ROBO1: variants seen among roughly 807,000 people sequenced by gnomAD.
ROBO1 encodes the protein roundabout guidance receptor 1.
A neutral mutation model predicts 195.9 loss-of-function variants in ROBO1; 149 were observed. That is an observed-to-expected ratio of 0.76 (90% CI 0.67 to 0.87). The LOEUF is 0.87. Among genes scored for constraint, ROBO1 ranks in the 40% least tolerant of loss-of-function variants. ROBO1 has a pLI of 0.00. For synonymous variants in ROBO1, 816 were observed against 733.2 expected (o/e 1.11, Z -1.82); for missense variants, 1,933 against 2,068.3 (o/e 0.93, Z 1.27).
intron 2 of ROBO1, among the ~76,000 whole-genome samples, chr3:79,182,857 A>C (rs1559718607): frequency 6.6e-6 from 1 of 152,054 alleles, no homozygotes; most frequent in Admixed American, 6.5e-5. Context: ...AGGCAGGCGG[A>C]TCACGAGGTC....
At chr3:79,296,893 C>G (rs1167210023) in intron 2 of ROBO1, among the ~76,000 whole-genome samples, 1 of 152,080 alleles carries the variant, frequency 6.6e-6, no homozygotes, top group Non-Finnish European at 1.5e-5. Flanking sequence ...ATGTAAAACA[C>G]AACACACTCT....
At chr3:78,831,410 T>C (rs780329012) in intron 4 of ROBO1, among the ~76,000 whole-genome samples, 43 of 152,308 alleles carry the variant, frequency 2.8e-4, no homozygotes, top group Non-Finnish European at 5.6e-4. Flanking sequence ...GTTTATGTTT[T>C]TATTTGGTAC....
At chr3:79,597,862 A>C (rs1287290664) in intron 1 of ROBO1, among the ~76,000 whole-genome samples, 1 of 152,100 alleles carries the variant, frequency 6.6e-6, no homozygotes, top group African/African-American at 2.4e-5. Flanking sequence ...GTTTAGCAGG[A>C]GTTGCAGAAG....
At chr3:79,543,709 T>C (rs1217767864) in intron 2 of ROBO1, among the ~76,000 whole-genome samples, 1 of 152,112 alleles carries the variant, frequency 6.6e-6, no homozygotes, top group East Asian at 1.9e-4. Context: ...TGTATTCAGA[T>C]CTCACTTGTG....
intron 1 of ROBO1, among the ~76,000 whole-genome samples, chr3:79,729,920 T>C (rs1703075728): frequency 6.6e-6 from 1 of 152,186 alleles, no homozygotes; most frequent in Admixed American, 6.5e-5. Flanking sequence ...CAGAAACATA[T>C]TTTATGGCCC....
chr3:79,547,364 A>G (rs1942309788), intron 2 of ROBO1, among the ~76,000 whole-genome samples: 1 of 152,072 alleles, frequency 6.6e-6, no homozygotes, highest in Non-Finnish European at 1.5e-5. Flanking sequence ...TGCAGATTTT[A>G]TATGAACGTG....
chr3:78,926,701 T>C (rs890948223), intron 4 of ROBO1, among the ~76,000 whole-genome samples: 6 of 152,136 alleles, frequency 3.9e-5, no homozygotes, highest in Non-Finnish European at 7.3e-5. Context: ...AAAATTGGTA[T>C]GTGAATGCAA....
intron 2 of ROBO1, among the ~76,000 whole-genome samples, chr3:79,377,614 C>G (rs2036429506): frequency 6.6e-6 from 1 of 152,092 alleles, no homozygotes; most frequent in South Asian, 2.1e-4. Context: ...TTATGTTTAT[C>G]CTCTTCATTA....
intron 1 of ROBO1, among the ~76,000 whole-genome samples, chr3:79,628,354 G>C (rs1945241311): frequency 6.6e-6 from 1 of 152,130 alleles, no homozygotes; most frequent in East Asian, 1.9e-4. Context: ...GAAGCTGGAA[G>C]CCATAATCCT....
intron 2 of ROBO1, among the ~76,000 whole-genome samples, chr3:79,415,084 C>T (rs979758959): frequency 2.6e-5 from 4 of 152,148 alleles, no homozygotes; most frequent in African/African-American, 7.2e-5. Context: ...CATCATGTCA[C>T]TAACCATATA....
chr3:79,090,328 A>G (rs1009053610), intron 3 of ROBO1, among the ~76,000 whole-genome samples: 1 of 152,108 alleles, frequency 6.6e-6, no homozygotes, highest in East Asian at 1.9e-4. Context: ...TATAAATCAT[A>G]ATTAGAAAGA....
chr3:78,956,310 C>T (rs2041045415), intron 3 of ROBO1, among the ~76,000 whole-genome samples: 1 of 151,890 alleles, frequency 6.6e-6, no homozygotes, highest in Admixed American at 6.6e-5. Flanking sequence ...GATTAGAATA[C>T]CCCAAATTTT....
chr3:79,544,179 T>C (rs910874105), intron 2 of ROBO1, among the ~76,000 whole-genome samples: 2 of 152,036 alleles, frequency 1.3e-5, no homozygotes, highest in Non-Finnish European at 2.9e-5. Context: ...TTAAAGGCTA[T>C]TTTTAAGTCA....
At chr3:79,199,439 C>T (rs1008260442) in intron 2 of ROBO1, among the ~76,000 whole-genome samples, 1 of 151,744 alleles carries the variant, frequency 6.6e-6, no homozygotes, top group Middle Eastern at 3.2e-3. Flanking sequence ...CTCCTTAATA[C>T]TGCTAAAATG....
chr3:79,217,361 T>A (rs1244723605), intron 2 of ROBO1, among the ~76,000 whole-genome samples: 6 of 152,020 alleles, frequency 3.9e-5, no homozygotes, highest in African/African-American at 1.4e-4. Context: ...GTAAGACAGA[T>A]ACAATTTCAG....
intron 2 of ROBO1, among the ~76,000 whole-genome samples, chr3:79,459,922 A>G (rs1386135437): frequency 3.9e-5 from 6 of 152,148 alleles, no homozygotes; most frequent in African/African-American, 1.4e-4. Context: ...AACAAATATA[A>G]ATACCTGAAG....
intron 3 of ROBO1, among the ~76,000 whole-genome samples, chr3:78,940,636 T>C (rs1311083220): frequency 6.6e-6 from 1 of 152,238 alleles, no homozygotes; most frequent in Admixed American, 6.5e-5. Flanking sequence ...ATTTCAAATC[T>C]CTGCTCTCTC....
intron 2 of ROBO1, among the ~76,000 whole-genome samples, chr3:79,476,766 G>C (rs1240321423): frequency 6.6e-6 from 1 of 152,034 alleles, no homozygotes; most frequent in African/African-American, 2.4e-5. Flanking sequence ...TCAGGGGAAA[G>C]GGTGGGAGGG....
At chr3:79,707,216 G>C (rs564628636) in intron 1 of ROBO1, among the ~76,000 whole-genome samples, 58 of 152,212 alleles carry the variant, frequency 3.8e-4, no homozygotes, top group Non-Finnish European at 4.0e-4. Context: ...CTTCTTGTGA[G>C]AGTACTGACA....
Sources: allele counts gnomAD v4.1 joint callset (sites outside exome capture counted in the v4.1 genomes callset), GRCh38; gene constraint gnomAD v4.1.1; transcripts MANE v1.5; gene names NCBI Gene and HGNC (gene_info 2026-07-23, HGNC 2026-07-21).